The following ARMCX4 variants were observed in gnomAD, a reference collection of about 807,000 sequenced individuals.
ARMCX4 encodes armadillo repeat-containing X-linked protein 4.
ARMCX4 carries 3 observed loss-of-function variants against 34.7 expected under a neutral mutation model. The ratio of observed to expected loss-of-function variants is 0.09; its 90% CI spans 0.04 to 0.22. The LOEUF is 0.22. ARMCX4 is among the 10% of genes least tolerant of loss of function. ARMCX4 has a pLI of 1.00. For missense variants in ARMCX4, 1,448 were observed against 1,720.8 expected (o/e 0.84, Z 2.81); for synonymous variants, 513 against 632.8 (o/e 0.81, Z 2.84).
rs1556008074 is a variant in ARMCX4, at chrX:101,489,743, A to T, written c.1154A>T (p.Asn385Ile). The T allele has an allele frequency of 1.7e-6, 2 of 1,155,002 alleles. No homozygotes were observed. The highest frequency in any genetic ancestry group is 3.8e-5 in the South Asian group (2 of 52,667). Residue 385 changes from asparagine to isoleucine, a missense_variant, in exon 6 of 6, where the codon AAT (asparagine) becomes ATT (isoleucine). Asn to Ile is a moderately radical substitution (Grantham distance 149). Transcript: ENST00000423738. ...AGGGTTGATGGTAGGGGAAATACCAATGTCATATCTAAGGCAATAACTGGA... is the reference window on the plus strand; with the variant it reads ...AGGGTTGATGGTAGGGGAAATACCATTGTCATATCTAAGGCAATAACTGGA... ...GARVDGRGNTNVISKAITGAD... is the reference protein window; with the variant it reads ...GARVDGRGNTIVISKAITGAD...
At position 101,473,037 on chromosome X, in the gene ARMCX4, G is replaced by A. The variant is rs369183024; in HGVS notation, c.-472-12986G>A. ...CAAATTGGATAAAGATTCAAGACCC[G>A]TCAGTGTGCTGTATTCAGGAAACCC... On this transcript the variant is annotated intron_variant and NMD_transcript_variant, in intron 4 of 15. Coordinates refer to the ARMCX4 transcript ENST00000433011. 9.0e-5 allele frequency among the ~76,000 whole-genome samples: 10 copies of A among 110,863 alleles called. 1 individual carries two copies. The highest frequency in any genetic ancestry group is 5.7e-4 in the East Asian group (2 of 3,534).
intron 8 of ARMCX4, among the ~76,000 whole-genome samples, chrX:101,507,101 C>A (rs1934469956): frequency 1.8e-5 from 2 of 111,384 alleles, no homozygotes; most frequent in South Asian, 7.5e-4. Context: ...CATATTCTCC[C>A]AATATATTGT....
intron 2 of ARMCX4, among the ~76,000 whole-genome samples, chrX:101,423,014 A>T (rs1929368816): frequency 9.1e-6 from 1 of 110,010 alleles, no homozygotes; most frequent in Admixed American, 9.7e-5. Flanking sequence ...GGCTCAAGCG[A>T]TTCTCCTGCC....
At chrX:101,452,951 C>T (rs953201723) in intron 4 of ARMCX4, among the ~76,000 whole-genome samples, 5 of 109,386 alleles carry the variant, frequency 4.6e-5, no homozygotes, top group Non-Finnish European at 7.6e-5. Flanking sequence ...TACAACACAC[C>T]GGTTACTTTA....
chrX:101,487,456 G>C (rs1556007148), intron 3 of ARMCX4, among the ~76,000 whole-genome samples, 152 bp from the exon 4 acceptor site: 1 of 106,274 alleles, frequency 9.4e-6, no homozygotes, highest in African/African-American at 3.4e-5. Context: ...ATGACTGGGG[G>C]AAGACTTGAT....
At chrX:101,474,402 C>A (rs1186944801) in intron 4 of ARMCX4, among the ~76,000 whole-genome samples, 1 of 109,964 alleles carries the variant, frequency 9.1e-6, no homozygotes, top group Non-Finnish European at 1.9e-5. Flanking sequence ...TGGTACCATT[C>A]CTTCTGAAAC....
intron 4 of ARMCX4, among the ~76,000 whole-genome samples, chrX:101,471,948 C>T (rs1458490039): frequency 9.8e-6 from 1 of 101,842 alleles, no homozygotes; most frequent in Non-Finnish European, 2.0e-5. Flanking sequence ...CGGAACAAAG[C>T]TGGATGGAGA....
chrX:101,492,758 C>T lies in ARMCX4; in HGVS notation c.4169C>T (p.Pro1390Leu). The T allele has an allele frequency of 8.7e-7, 1 of 1,148,254 alleles. No homozygotes were observed. The allele number at this position is 1,148,254 out of a possible 1,213,427, so 94.6% of individuals were successfully genotyped here. The change falls in exon 6 of 6, where the codon CCT becomes CTT. Residue 1390 changes from proline (P) to leucine (L), a missense_variant. Pro to Leu is a moderately conservative substitution (Grantham distance 98, BLOSUM62 -3). Around this residue, in one of 2 missense-constraint regions of ARMCX4, gnomAD observed 1,343 missense variants for 1,540.7 expected, o/e 0.87. Coordinates refer to ENST00000423738, the MANE Select transcript of ARMCX4 (RefSeq NM_001256155.3). ...GATCAGTCTGGTGGTGGGTCCAAGC[C>T]TAGATTTGAAAATCAGACCACAGAA... Reference protein sequence around the residue: ...TLDQSGGGSKPRFENQTTEEG... With the variant: ...TLDQSGGGSKLRFENQTTEEG...
chrX:101,429,317 TACCTCCTAG>T (rs1165865294), intron 2 of ARMCX4, among the ~76,000 whole-genome samples: 6 of 103,349 alleles, frequency 5.8e-5, no homozygotes, highest in African/African-American at 2.1e-4. Context: ...TAATAATGCC[TACCTCCTAG>T]ATTGTCTTTT....
chrX:101,439,111 G>A (rs1193015659), intron 2 of ARMCX4, among the ~76,000 whole-genome samples: 13 of 112,009 alleles, frequency 1.2e-4, no homozygotes, highest in Admixed American at 3.8e-4. Context: ...GCTGGTACCG[G>A]TTGTTCCTTT....
At chrX:101,499,952 A>G (rs1934259883), downstream of ARMCX4, among the ~76,000 whole-genome samples, 1 of 112,049 alleles carries the variant, frequency 8.9e-6, no homozygotes. Context: ...GATCCACAAT[A>G]CATGGTTTGA....
At chrX:101,520,943 T>G (rs1934840879) in intron 11 of ARMCX4, among the ~76,000 whole-genome samples, 1 of 109,098 alleles carries the variant, frequency 9.2e-6, no homozygotes, top group South Asian at 4.0e-4. Flanking sequence ...TTTTTTTTTT[T>G]TGAGATGGAG....
upstream of ARMCX4, among the ~76,000 whole-genome samples, chrX:101,481,410 T>A (rs1933444446): frequency 2.7e-5 from 3 of 112,433 alleles, no homozygotes; most frequent in African/African-American, 9.7e-5. Flanking sequence ...AATGTGAGTG[T>A]TCCGAGCATT....
chrX:101,498,205 C>T (rs1427114968), downstream of ARMCX4: 6 of 327,543 alleles, frequency 1.8e-5, no homozygotes, highest in South Asian at 7.9e-5. Context: ...ATCTCTGGGC[C>T]TGCTTCCTGG....
chrX:101,479,355 C>T (rs1456453689), intron 4 of ARMCX4, among the ~76,000 whole-genome samples: 3 of 73,092 alleles, frequency 4.1e-5, no homozygotes, highest in African/African-American at 1.5e-4. Flanking sequence ...CACACACACA[C>T]GAAAAATGAC....
chrX:101,440,377 G>T (rs1304766543), intron 2 of ARMCX4, among the ~76,000 whole-genome samples: 2 of 111,933 alleles, frequency 1.8e-5, no homozygotes, highest in South Asian at 3.7e-4. Context: ...TGAGGTGTCA[G>T]TCTGCCCCTG....
intron 11 of ARMCX4, among the ~76,000 whole-genome samples, chrX:101,531,063 A>G (rs1050561661): frequency 3.6e-5 from 4 of 111,743 alleles, no homozygotes; most frequent in Non-Finnish European, 1.9e-5. Flanking sequence ...CTGTGTTACC[A>G]CTGGATGCTC....
intron 2 of ARMCX4, among the ~76,000 whole-genome samples, chrX:101,438,868 G>A (rs1931022610): frequency 9.0e-6 from 1 of 111,169 alleles, no homozygotes; most frequent in African/African-American, 3.3e-5. Flanking sequence ...GTGTGTCTCT[G>A]CATGTGAGAT....
At chrX:101,449,002 C>T (rs1299733156), downstream of ARMCX4, among the ~76,000 whole-genome samples, 1 of 107,067 alleles carries the variant, frequency 9.3e-6, no homozygotes, top group Non-Finnish European at 1.9e-5. Flanking sequence ...ACCTCTGCCT[C>T]CCAGGTTCAA....
Sources: gnomAD v4.1 joint callset for allele counts (sites outside exome capture counted in the v4.1 genomes callset) on GRCh38, gnomAD v4.1.1 for gene constraint, gnomAD v4.1.1 regional missense constraint, MANE v1.5 for transcripts, NCBI Gene and HGNC (gene_info 2026-07-23, HGNC 2026-07-21) for gene names.